The following HTR1F variants were observed in gnomAD, a reference collection of about 807,000 sequenced individuals.
The protein encoded by HTR1F is 5-hydroxytryptamine receptor 1F.
Under a neutral mutation model 24.0 loss-of-function variants are expected in HTR1F, and 17 were observed. The observed-to-expected ratio is 0.71, with a 90% confidence interval of 0.48 to 1.06. HTR1F has a LOEUF of 1.06. Ranked by LOEUF, HTR1F falls within the 50% of genes least tolerant of loss-of-function variation. The pLI is 0.00. For synonymous variants in HTR1F, 186 were observed against 156.8 expected, an observed-to-expected ratio of 1.19 and a Z score of -1.39; for missense variants, 391 against 427.8, an observed-to-expected ratio of 0.91 and a Z score of 0.76.
intron 2 of HTR1F, among the ~76,000 whole-genome samples, chr3:87,840,879 A>G (rs148174122): frequency 1.3e-5 from 2 of 150,904 alleles, no homozygotes; most frequent in African/African-American, 5.0e-5. Flanking sequence ...ATATAAAAAC[A>G]TTGAACTCAT....
intron 2 of HTR1F, among the ~76,000 whole-genome samples, chr3:87,898,803 G>A (rs1268384780): frequency 1.3e-5 from 2 of 151,788 alleles, no homozygotes; most frequent in Admixed American, 6.6e-5. Context: ...TATAAGAAAT[G>A]TTGCTTATTT....
At chr3:87,802,751 A>C (rs1704015084) in intron 1 of HTR1F, among the ~76,000 whole-genome samples, 1 of 152,176 alleles carries the variant, frequency 6.6e-6, no homozygotes, top group South Asian at 2.1e-4. Context: ...CTTACAAGCA[A>C]GGGTAGCTTA....
At chr3:87,862,043 A>G (rs1490066034) in intron 2 of HTR1F, among the ~76,000 whole-genome samples, 1 of 152,202 alleles carries the variant, frequency 6.6e-6, no homozygotes, top group Non-Finnish European at 1.5e-5. Flanking sequence ...TATTTTAAAC[A>G]AATTATAAGG....
chr3:87,984,471 T>C lies in HTR1F; in HGVS notation c.-42-6237T>C, dbSNP rs539002085. On this transcript the variant is annotated intron_variant, in intron 2 of 2. Coordinates refer to ENST00000319595, the MANE Select transcript of HTR1F (RefSeq NM_001322209.2). ...TTTGTTTGTTTGTTTTGTTTTTGTT[T>C]TGAGACAGAGTTTTGCTCTTTCGCT... 1.1e-4 allele frequency among the ~76,000 whole-genome samples: 17 copies of C among 152,286 alleles called. No homozygotes were observed. The East Asian group carries it at 1.4e-3, about 12-fold the overall frequency.
chr3:87,972,786 G>A (rs760220640), intron 2 of HTR1F, among the ~76,000 whole-genome samples: 4 of 152,020 alleles, frequency 2.6e-5, no homozygotes, highest in Admixed American at 6.6e-5. Context: ...CATGTCATAC[G>A]CTAAAGAAGC....
At chr3:87,925,447 G>C (rs1476145626) in intron 2 of HTR1F, among the ~76,000 whole-genome samples, 1 of 152,118 alleles carries the variant, frequency 6.6e-6, no homozygotes, top group East Asian at 1.9e-4. Context: ...GCACTGTGTG[G>C]CCTTAAGTGC....
intron 2 of HTR1F, among the ~76,000 whole-genome samples, chr3:87,958,329 T>A (rs1704988837): frequency 6.6e-6 from 1 of 151,570 alleles, no homozygotes; most frequent in Non-Finnish European, 1.5e-5. Context: ...TTTGTTTTAT[T>A]TTCTGGTCTA....
intron 2 of HTR1F, among the ~76,000 whole-genome samples, chr3:87,846,954 T>G (rs1704958774): frequency 6.6e-6 from 1 of 151,830 alleles, no homozygotes; most frequent in Non-Finnish European, 1.5e-5. Context: ...TTATGGCAAG[T>G]ATATTCAGAA....
rs1473360910 is a variant in HTR1F at position 87,814,770 on chromosome 3, C to T, written c.-159-7238C>T. 2.6e-5 allele frequency among the ~76,000 whole-genome samples: 4 copies of T among 152,096 alleles called. No individual in the cohort carries two copies. The South Asian group carries it at 6.2e-4, about 24-fold the overall frequency. On this transcript the variant is annotated intron_variant, in intron 1 of 2. Coordinates refer to ENST00000319595, the MANE Select transcript of HTR1F (RefSeq NM_001322209.2). ...TTCTATACTACTTGTTTCCTTCTAG[C>T]TGTCCTTACTCAATAGAAAATACTA...
intron 2 of HTR1F, among the ~76,000 whole-genome samples, chr3:87,920,338 A>G (rs890575241): frequency 1.3e-5 from 2 of 151,818 alleles, no homozygotes; most frequent in African/African-American, 4.8e-5. Context: ...AAATTTCACA[A>G]ATCACCACTA....
chr3:87,940,793 A>T (rs112733179), intron 2 of HTR1F, among the ~76,000 whole-genome samples: 4,962 of 152,318 alleles, frequency 0.033, 245 homozygotes, highest in African/African-American at 0.11. Context: ...CCAATGGAAC[A>T]TGGGGATTTA....
At chr3:87,975,562 T>C (rs1338017278) in intron 2 of HTR1F, among the ~76,000 whole-genome samples, 1 of 152,212 alleles carries the variant, frequency 6.6e-6, no homozygotes, top group Non-Finnish European at 1.5e-5. Context: ...GATAATTTAC[T>C]GTCTAAAACA....
chr3:87,918,750 C>T (rs1280665752), intron 2 of HTR1F, among the ~76,000 whole-genome samples: 1 of 151,938 alleles, frequency 6.6e-6, no homozygotes, highest in Non-Finnish European at 1.5e-5. Flanking sequence ...AAAACACATC[C>T]CTTGCTCATG....
At chr3:87,946,732 T>C (rs1246707202) in intron 2 of HTR1F, among the ~76,000 whole-genome samples, 3 of 151,906 alleles carry the variant, frequency 2.0e-5, no homozygotes, top group Non-Finnish European at 4.4e-5. Context: ...TCCAAGCTAT[T>C]CTCCTGCCTC....
chr3:87,912,111 A>G (rs2195714), intron 2 of HTR1F, among the ~76,000 whole-genome samples: 66,170 of 151,772 alleles, frequency 0.44, 15,425 homozygotes, highest in African/African-American at 0.61. Context: ...AATAGGAAGA[A>G]AGGAAGTCAA....
At chr3:87,797,042 G>A (rs560567988) in intron 1 of HTR1F, among the ~76,000 whole-genome samples, 4 of 152,178 alleles carry the variant, frequency 2.6e-5, no homozygotes, top group East Asian at 1.9e-4. Context: ...GCAGTCAACC[G>A]CAGTCTAAAA....
chr3:87,907,992 A>G (rs1035394021), intron 2 of HTR1F, among the ~76,000 whole-genome samples: 3 of 152,152 alleles, frequency 2.0e-5, no homozygotes, highest in South Asian at 2.1e-4. Flanking sequence ...GTTCTAATAA[A>G]TTTGAACTAA....
At chr3:87,800,608 A>G (rs184145546) in intron 1 of HTR1F, among the ~76,000 whole-genome samples, 1 of 152,292 alleles carries the variant, frequency 6.6e-6, no homozygotes, top group African/African-American at 2.4e-5. Flanking sequence ...GCAGAAATGG[A>G]GTCTTTTCCA....
intron 2 of HTR1F, among the ~76,000 whole-genome samples, chr3:87,914,446 G>A (rs1473280642): frequency 1.3e-5 from 2 of 151,998 alleles, no homozygotes; most frequent in African/African-American, 4.8e-5. Context: ...GGTATCCTGG[G>A]GCAAGTTCTC....
Sources: allele counts gnomAD v4.1 joint callset (sites outside exome capture counted in the v4.1 genomes callset), GRCh38; gene constraint gnomAD v4.1.1; transcripts MANE v1.5; gene names NCBI Gene and HGNC (gene_info 2026-07-23, HGNC 2026-07-21).